Variants in COG3 observed in about 807,000 individuals in gnomAD.
The protein encoded by COG3 is component of oligomeric golgi complex 3.
In COG3, 32 loss-of-function variants were observed where a neutral mutation model predicts 114.1. The observed-to-expected ratio is 0.28, with a 90% CI of 0.21 to 0.38. The LOEUF (loss-of-function observed/expected upper bound fraction) is 0.38. COG3 is among the 10% of genes least tolerant of loss of function. The pLI, the probability that COG3 is intolerant of heterozygous loss-of-function variation, is 1.00. For missense variants in COG3, 813 were observed against 973.2 expected (o/e 0.84, Z 2.19); for synonymous variants, 352 against 365.7 (o/e 0.96, Z 0.43).
intron 14 of COG3, among the ~76,000 whole-genome samples, chr13:45,506,374 T>C (rs7333692): frequency 0.15 from 21,860 of 150,432 alleles, 2,471 homozygotes; most frequent in African/African-American, 0.32. Context: ...TGAGAGGGTG[T>C]GATTGATGTC....
intron 11 of COG3, among the ~76,000 whole-genome samples, chr13:45,492,619 C>G (rs868430269): frequency 2.0e-5 from 3 of 152,096 alleles, no homozygotes; most frequent in African/African-American, 2.4e-5. Flanking sequence ...AATACAGATA[C>G]TATTTAATAA....
chr13:45,476,369 A>C, intron 2 of COG3, 22 bp downstream of exon 2: 2 of 1,610,214 alleles, frequency 1.2e-6, no homozygotes, highest in Admixed American at 3.3e-5. Flanking sequence ...TATCTTTTCT[A>C]AGGATGTTTG....
Position 45,490,906 on chromosome 13 carries a change from A to T in COG3, c.925-9A>T. On this transcript the variant is annotated splice_polypyrimidine_tract_variant and intron_variant, in intron 8 of 22. Transcript: ENST00000349995. ...ATGGTTTTTTGATGCATTTTTTCTT[A>T]CTTTGCAGACTCTTATTGAACAAAT... 8.3e-6 allele frequency: 13 copies of T among 1,562,490 alleles called. No individual in the cohort carries two copies. The highest frequency in any genetic ancestry group is 1.1e-5 in the Non-Finnish European group (13 of 1,144,268).
chr13:45,529,737 G>A, intron 20 of COG3, 54 bp from the exon 21 acceptor site: 1 of 1,401,086 alleles, frequency 7.1e-7, no homozygotes, highest in South Asian at 1.3e-5. Flanking sequence ...AATTAAAATG[G>A]AAATATTTCT....
At position 45,486,332 on chromosome 13, in the gene COG3, C is replaced by CGGAGA. The variant is rs1359138289; in HGVS notation, c.844-161_844-160insAGAGG. Reference sequence around the variant, plus strand: ...GAGACGGGAGACGGGAGACGGGAGACGGGAGACGGGAGAGGGAGAGGGAGA... The same window carrying CGGAGA: ...GAGACGGGAGACGGGAGACGGGAGACGGAGAGGGAGACGGGAGAGGGAGAGGGAGA... On this transcript the variant is annotated intron_variant, in intron 7 of 22. Coordinates refer to ENST00000349995, the MANE Select transcript of COG3 (RefSeq NM_031431.4). 1.0e-3 allele frequency among the ~76,000 whole-genome samples: 55 copies of CGGAGA among 54,864 alleles called. 5 individuals are homozygous for CGGAGA. The highest frequency in any genetic ancestry group is 0.01 in the Middle Eastern group (1 of 100). 36.0% of individuals were successfully genotyped at this position (54,864 alleles called of 152,430 possible).
chr13:45,512,032 A>G, intron 16 of COG3, 178 bp downstream of exon 16: 1 of 582,744 alleles, frequency 1.7e-6, no homozygotes, highest in East Asian at 2.9e-5. Context: ...TAAAGACTGT[A>G]CTATATAAGA....
At position 45,471,079 on chromosome 13, in the gene COG3, T is replaced by C. The variant is rs1305170596; in HGVS notation, c.175-5122T>C. Among the ~76,000 whole-genome samples the C allele has an allele frequency of 2.6e-5, 4 of 152,174 alleles. No individual in the cohort carries two copies. In the South Asian group the frequency reaches 8.3e-4, roughly 31 times the overall value. ...AGTCACAGCCTACCTCTAAATATTA[T>C]ACCACTTCATTATGGTATAACAGCC... On this transcript the variant is annotated intron_variant, in intron 1 of 22. Coordinates refer to ENST00000349995, the MANE Select transcript of COG3 (RefSeq NM_031431.4).
rs770038453 is a variant in COG3 at position 45,482,401 on chromosome 13, G to A, written c.645G>A (p.Leu215=). The A allele has an allele frequency of 3.2e-6, 5 of 1,550,618 alleles. No homozygotes were observed. The highest frequency in any genetic ancestry group is 3.5e-6 in the Non-Finnish European group (4 of 1,129,164). The change falls in exon 6 of 23, where the codon TTG becomes TTA. Residue 215 remains leucine, a synonymous_variant. Coordinates refer to ENST00000349995, the MANE Select transcript of COG3 (RefSeq NM_031431.4). ...TINTKLNSPT[L]SVNSDGFIPM... ...TAAAGAAATTGAATTCCCCTACATT[G>A]TCGGTGAATAGTGACGGATTTATAC...
intron 15 of COG3, among the ~76,000 whole-genome samples, chr13:45,511,328 TGAA>T (rs1220445308): frequency 6.6e-6 from 1 of 152,242 alleles, no homozygotes; most frequent in Non-Finnish European, 1.5e-5. Context: ...AATACTGTAA[TGAA>T]GAGCCATGTA....
At chr13:45,509,165 G>A (rs910890685) in intron 14 of COG3, among the ~76,000 whole-genome samples, 1 of 151,602 alleles carries the variant, frequency 6.6e-6, no homozygotes, top group African/African-American at 2.4e-5. Flanking sequence ...TCAGCCTCTC[G>A]AGTAGCTGGG....
At chr13:45,467,464 T>C (rs1333376468) in intron 1 of COG3, among the ~76,000 whole-genome samples, 1 of 152,232 alleles carries the variant, frequency 6.6e-6, no homozygotes, top group Non-Finnish European at 1.5e-5. Flanking sequence ...TGGTGGTGCA[T>C]GCCTGTAATC....
intron 2 of COG3, among the ~76,000 whole-genome samples, chr13:45,478,431 G>A (rs567643756): frequency 1.5e-4 from 22 of 150,798 alleles, no homozygotes; most frequent in Admixed American, 6.6e-4. Flanking sequence ...CGCTCGCCTC[G>A]GCCTCCGAAA....
intron 19 of COG3, among the ~76,000 whole-genome samples, chr13:45,522,496 A>G (rs545176621): frequency 6.6e-6 from 1 of 152,304 alleles, no homozygotes; most frequent in African/African-American, 2.4e-5. Flanking sequence ...CTGGAGTAAG[A>G]GAAGCATCTT....
chr13:45,508,386 T>TTATATA (rs10571584), intron 14 of COG3, among the ~76,000 whole-genome samples: 2 of 109,692 alleles, frequency 1.8e-5, no homozygotes, highest in African/African-American at 6.1e-5. Flanking sequence ...ATATATATTT[T>TTATATA]TATATATATA....
chr13:45,493,669 A>G (rs999095278), intron 12 of COG3, 183 bp downstream of exon 12: 6 of 409,060 alleles, frequency 1.5e-5, no homozygotes, highest in South Asian at 6.1e-5. Context: ...ACACAATCAG[A>G]TAGGGAAAGA....
intron 3 of COG3, among the ~76,000 whole-genome samples, chr13:45,479,406 C>A (rs570083195): frequency 2.0e-5 from 3 of 152,146 alleles, no homozygotes; most frequent in Non-Finnish European, 2.9e-5. Flanking sequence ...CCCTGAAAGA[C>A]TTTCAGGATG....
intron 16 of COG3, 34 bp from the exon 17 acceptor site, chr13:45,516,109 G>A: frequency 6.8e-7 from 1 of 1,462,830 alleles, no homozygotes; most frequent in Non-Finnish European, 9.3e-7. Flanking sequence ...GATTTAATAT[G>A]TGATCATATC....
In COG3 at chr13:45,527,178, A is replaced by G. The variant is rs953280003; in HGVS notation, c.2230+2127A>G. Among the ~76,000 whole-genome samples, 12 of 152,318 alleles carry G rather than the reference A, an allele frequency of 7.9e-5. 1 individual carries two copies. Among genetic ancestry groups the G allele is most frequent in the Admixed American group, 7.8e-4 (12 of 15,306 alleles). ...CTGTCATTTTCTCAAGTGGAACCCT[A>G]ATAGGATTCAAAGTGTTAGATGTAT... is the stretch of plus-strand genomic sequence containing the variant. On this transcript the variant is annotated intron_variant, in intron 20 of 22. Transcript: ENST00000349995.
At chr13:45,529,721 C>A in intron 20 of COG3, 70 bp from the exon 21 acceptor site, 1 of 1,172,816 alleles carries the variant, frequency 8.5e-7, no homozygotes, top group Admixed American at 2.6e-5. Context: ...CCTTTATTCC[C>A]CTTTGAATTA....
Sources: gnomAD v4.1 joint callset for allele counts (sites outside exome capture counted in the v4.1 genomes callset) on GRCh38, gnomAD v4.1.1 for gene constraint, MANE v1.5 for transcripts, NCBI Gene and HGNC (gene_info 2026-07-23, HGNC 2026-07-21) for gene names.